Variants in ANK3 observed in about 807,000 individuals in gnomAD.
The protein encoded by ANK3 is ankyrin-3.
Under a neutral mutation model 370.9 loss-of-function variants are expected in ANK3, and 57 were observed. The ratio of observed to expected loss-of-function variants is 0.15; its 90% CI spans 0.12 to 0.19. The LOEUF (loss-of-function observed/expected upper bound fraction) is 0.19, where lower values mean the gene tolerates loss of function less well. Ranked by LOEUF, ANK3 falls within the 10% of genes least tolerant of loss-of-function variation. ANK3 has a pLI of 1.00. For missense variants in ANK3, 4,439 were observed against 5,302.1 expected, an observed-to-expected ratio of 0.84 and a Z score of 5.06; for synonymous variants, 1,929 against 1,946.3, an observed-to-expected ratio of 0.99 and a Z score of 0.23.
At chr10:60,399,649 T>G (rs1002720034) in intron 2 of ANK3, among the ~76,000 whole-genome samples, 2 of 152,172 alleles carry the variant, frequency 1.3e-5, no homozygotes, top group Non-Finnish European at 2.9e-5. Flanking sequence ...GTTACCCAGG[T>G]GGACTGAATC....
At chr10:60,559,673 A>G (rs2077290105) in intron 2 of ANK3, among the ~76,000 whole-genome samples, 1 of 152,140 alleles carries the variant, frequency 6.6e-6, no homozygotes, top group African/African-American at 2.4e-5. Context: ...TTTCCAGGTC[A>G]CCGTGCAGAG....
intron 1 of ANK3, among the ~76,000 whole-genome samples, chr10:60,648,687 T>C (rs1195072098): frequency 6.7e-6 from 1 of 149,272 alleles, no homozygotes; most frequent in Non-Finnish European, 1.5e-5. Flanking sequence ...GGAGAATCAC[T>C]TGAACCCAGG....
At chr10:60,091,435 T>G (rs559105497) in intron 28 of ANK3, among the ~76,000 whole-genome samples, 2 of 75,586 alleles carry the variant, frequency 2.6e-5, no homozygotes, top group East Asian at 7.2e-4. Flanking sequence ...ACATGGAAAT[T>G]TTATTCTAAT....
chr10:60,329,557 C>T (rs2050708601), intron 1 of ANK3, among the ~76,000 whole-genome samples: 1 of 151,962 alleles, frequency 6.6e-6, no homozygotes, highest in Admixed American at 6.6e-5. Flanking sequence ...ATTAAAATAC[C>T]TAGGAATACA....
intron 30 of ANK3, among the ~76,000 whole-genome samples, chr10:60,085,610 C>CTTTTTT (rs10601268): frequency 2.0e-4 from 22 of 109,940 alleles, no homozygotes; most frequent in Non-Finnish European, 2.8e-4. Flanking sequence ...GTCTCTTACT[C>CTTTTTT]TTTTTTTTTT....
intron 23 of ANK3, among the ~76,000 whole-genome samples, chr10:60,156,299 T>G (rs1478789244): frequency 6.6e-6 from 1 of 152,168 alleles, no homozygotes; most frequent in Non-Finnish European, 1.5e-5. Flanking sequence ...CTCCTGTACC[T>G]CCTGATTCCA....
intron 2 of ANK3, among the ~76,000 whole-genome samples, chr10:60,503,073 C>T (rs920324658): frequency 6.6e-6 from 1 of 152,050 alleles, no homozygotes; most frequent in Non-Finnish European, 1.5e-5. Context: ...ATTTACCATC[C>T]ATTTATACTC....
intron 1 of ANK3, among the ~76,000 whole-genome samples, chr10:60,386,805 A>G (rs2062403546): frequency 6.6e-6 from 1 of 152,172 alleles, no homozygotes. Flanking sequence ...TATTTTATAA[A>G]CTAGATACTC....
intron 1 of ANK3, among the ~76,000 whole-genome samples, chr10:60,354,551 T>C (rs1046918976): frequency 6.6e-6 from 1 of 152,180 alleles, no homozygotes; most frequent in African/African-American, 2.4e-5. Flanking sequence ...ACCAGTGTTG[T>C]TTTTTAATAA....
chr10:60,626,950 G>A (rs755108102), intron 1 of ANK3, among the ~76,000 whole-genome samples: 2 of 152,004 alleles, frequency 1.3e-5, no homozygotes, highest in Non-Finnish European at 1.5e-5. Flanking sequence ...AGGTAAAAGC[G>A]GGATCATGAG....
chr10:60,289,333 C>T (rs1032529611), intron 1 of ANK3, among the ~76,000 whole-genome samples: 3 of 149,240 alleles, frequency 2.0e-5, no homozygotes, highest in Non-Finnish European at 4.4e-5. Context: ...AGCTCCTGGG[C>T]TCAAGCAATC....
chr10:60,141,823 A>G (rs1362226583), intron 23 of ANK3, among the ~76,000 whole-genome samples: 2 of 152,062 alleles, frequency 1.3e-5, no homozygotes, highest in South Asian at 2.1e-4. Flanking sequence ...TTCATATAAT[A>G]TTAGGATGCT....
intron 23 of ANK3, among the ~76,000 whole-genome samples, chr10:60,149,359 A>G (rs562728887): frequency 6.6e-6 from 1 of 152,304 alleles, no homozygotes; most frequent in East Asian, 1.9e-4. Context: ...CAGGGTGGTT[A>G]CATTAGGACA....
chr10:60,477,844 GA>G, intron 2 of ANK3, among the ~76,000 whole-genome samples: 1 of 151,962 alleles, frequency 6.6e-6, no homozygotes, highest in African/African-American at 2.4e-5. Context: ...CCACAGTAAA[GA>G]AACAATAAAA....
chr10:60,484,210 A>G (rs1239061080), intron 2 of ANK3, among the ~76,000 whole-genome samples: 1 of 152,156 alleles, frequency 6.6e-6, no homozygotes, highest in Admixed American at 6.5e-5. Flanking sequence ...GAAAACTGAA[A>G]ATCATTGAGG....
chr10:60,252,836 A>G (rs1414014919), intron 7 of ANK3, among the ~76,000 whole-genome samples: 3 of 152,134 alleles, frequency 2.0e-5, no homozygotes, highest in Non-Finnish European at 2.9e-5. Context: ...CATCGACCTG[A>G]CCTGCGTCAT....
At chr10:60,435,102 C>T (rs2064124299) in intron 2 of ANK3, among the ~76,000 whole-genome samples, 2 of 152,170 alleles carry the variant, frequency 1.3e-5, no homozygotes, top group South Asian at 4.1e-4. Flanking sequence ...TAACAGTGAT[C>T]ATTGGAATAA....
rs1206976572 is a variant in ANK3, at chr10:60,055,790, G to A, written c.12933C>T (p.Ser4311=). 6.8e-6 allele frequency: 11 copies of A among 1,614,162 alleles called. No homozygotes were observed. The highest frequency in any genetic ancestry group is 9.3e-6 in the Non-Finnish European group (11 of 1,180,030). ...GTTTAGTCTCTTCTATTATAAGCTT[G>A]CTGGTTTCTTCTAGAGATTTCTGAT... ...AAYQKSLEET[S]KLIIEETKPC... The change falls in exon 42 of 44, where the codon AGC becomes AGT. Residue 4311 remains serine (S), a synonymous_variant. Coordinates refer to ENST00000280772, the MANE Select transcript of ANK3 (RefSeq NM_020987.5).
chr10:60,648,401 T>C (rs1250517618), intron 1 of ANK3, among the ~76,000 whole-genome samples: 2 of 127,178 alleles, frequency 1.6e-5, no homozygotes, highest in Non-Finnish European at 1.7e-5. Flanking sequence ...CCTCATGATC[T>C]ACCCCTCTCG....
Sources: allele counts gnomAD v4.1 joint callset (sites outside exome capture counted in the v4.1 genomes callset), GRCh38; gene constraint gnomAD v4.1.1; transcripts MANE v1.5; gene names NCBI Gene and HGNC (gene_info 2026-07-23, HGNC 2026-07-21).